The following MATN4 variants were observed in gnomAD, a reference collection of about 807,000 sequenced individuals.
The protein encoded by MATN4 is matrilin 4.
In MATN4, 40 loss-of-function variants were observed where a neutral mutation model predicts 54.6. The ratio of observed to expected loss-of-function variants is 0.73; its 90% confidence interval spans 0.57 to 0.95. The LOEUF (loss-of-function observed/expected upper bound fraction) is 0.95. Among genes scored for constraint, MATN4 ranks in the 40% least tolerant of loss-of-function variants. The pLI, the probability that MATN4 is intolerant of heterozygous loss-of-function variation, is 0.00. For synonymous variants in MATN4, 351 were observed against 345.3 expected (o/e 1.02, Z -0.18); for missense variants, 810 against 819.1 (o/e 0.99, Z 0.13).
intron 8 of MATN4, among the ~76,000 whole-genome samples, chr20:45,297,459 A>C: frequency 6.6e-6 from 1 of 152,076 alleles, no homozygotes; most frequent in Non-Finnish European, 1.5e-5. Flanking sequence ...AAGTCTTTGC[A>C]TACTTAAAAT....
chr20:45,303,082 CAAAAAAAAA>C (rs79635257), intron 3 of MATN4, among the ~76,000 whole-genome samples: 1 of 82,928 alleles, frequency 1.2e-5, no homozygotes, highest in Admixed American at 1.4e-4. Context: ...GACTCTGTCT[CAAAAAAAAA>C]AAAAAAAAAA....
chr20:45,300,742 T>C, intron 6 of MATN4, 145 bp downstream of exon 6: 1 of 916,140 alleles, frequency 1.1e-6, no homozygotes, highest in Non-Finnish European at 1.6e-6. Context: ...AAGGAGGGAA[T>C]GGCACACCCT....
chr20:45,300,926 C>CGGGGCACAGGCAGCGGTAGGA lies in MATN4; in HGVS notation c.952_972dup (p.Ser318_Pro324dup), dbSNP rs1986182498. Reference sequence around the variant, plus strand: ...CCATCTGCCTGAAGTTGCCGCCCCTCGGGGCACAGGCAGCGGTAGGAGAGG... The same window carrying CGGGGCACAGGCAGCGGTAGGA: ...CCATCTGCCTGAAGTTGCCGCCCCTCGGGGCACAGGCAGCGGTAGGAGGGGCACAGGCAGCGGTAGGAGAGG... On this transcript the variant is annotated inframe_insertion, in exon 6 of 10. Transcript: ENST00000372756. The CGGGGCACAGGCAGCGGTAGGA allele has an allele frequency of 5.6e-6, 9 of 1,613,622 alleles. No homozygotes were observed. Among genetic ancestry groups the CGGGGCACAGGCAGCGGTAGGA allele is most frequent in the Non-Finnish European group, 6.8e-6 (8 of 1,180,044 alleles).
intron 6 of MATN4, among the ~76,000 whole-genome samples, 158 bp downstream of exon 6, chr20:45,300,729 T>C (rs949175554): frequency 6.6e-6 from 1 of 152,046 alleles, no homozygotes; most frequent in Non-Finnish European, 1.5e-5. Context: ...AGGAAAGAGA[T>C]GGAAGGAGGG....
rs1341647084 is a variant in MATN4, at chr20:45,301,000, AG to A, written c.898del (p.Leu300PhefsTer14). 1.2e-6 allele frequency: 2 copies of A among 1,613,948 alleles called. No individual in the cohort carries two copies. The highest frequency in any genetic ancestry group is 1.7e-6 in the Non-Finnish European group (2 of 1,179,980). On this transcript the variant is annotated frameshift_variant, in exon 6 of 10. Coordinates refer to ENST00000372756, the MANE Select transcript of MATN4 (RefSeq NM_001393530.1). LOFTEE classifies it high-confidence loss of function. Reference sequence around the variant, plus strand: ...ACAGCCATGGTCCACGCCATTGCAAAGGTCCCGGACTGAAAGGAGAGACAGG... The same window carrying A: ...ACAGCCATGGTCCACGCCATTGCAAAGTCCCGGACTGAAAGGAGAGACAGG... ...PDGRSCQVRD[L>X]CNGVDHGCEF...
intron 8 of MATN4, among the ~76,000 whole-genome samples, chr20:45,295,609 G>A (rs776400294): frequency 3.3e-5 from 5 of 152,000 alleles, no homozygotes; most frequent in Admixed American, 6.5e-5. Context: ...GGATGGTCTC[G>A]ATCCCCTGAC....
At chr20:45,301,539 G>A in intron 3 of MATN4, 96 bp from the exon 4 acceptor site, 1 of 1,329,130 alleles carries the variant, frequency 7.5e-7, no homozygotes, top group Admixed American at 2.4e-5. Flanking sequence ...ACCTACGCCT[G>A]GGCCCCAACC....
intron 1 of MATN4, 49 bp from the exon 2 acceptor site, chr20:45,305,665 T>A: frequency 1.1e-6 from 1 of 949,424 alleles, no homozygotes; most frequent in Non-Finnish European, 1.6e-6. Context: ...ACAGAGCTCT[T>A]ATTCTGGGTG....
At chr20:45,303,496 G>A (rs1193988313) in intron 3 of MATN4, 1 of 715,036 alleles carries the variant, frequency 1.4e-6, no homozygotes, top group Non-Finnish European at 2.6e-6. Context: ...TCCCCCCTCA[G>A]CACACTGGTC....
chr20:45,308,411 G>A (rs111742158), upstream of MATN4: 264 of 600,856 alleles, frequency 4.4e-4, 3 homozygotes, highest in South Asian at 4.3e-3. Context: ...TCCTCCTGAG[G>A]GGGGGCAAAC....
upstream of MATN4, chr20:45,308,409 A>AG (rs965581647): frequency 4.5e-5 from 27 of 599,106 alleles, no homozygotes; most frequent in African/African-American, 2.4e-4. Flanking sequence ...CTTCCTCCTG[A>AG]GGGGGGGCAA....
rs755157644 is a variant in MATN4, at chr20:45,298,423, GCTCGAGAA to G, written c.1165_1172del (p.Phe389ProfsTer57). 1.2e-6 allele frequency: 2 copies of G among 1,613,256 alleles called. No homozygotes were observed. Among genetic ancestry groups the G allele is most frequent in the Non-Finnish European group, 1.7e-6 (2 of 1,179,830 alleles). ...CCAGAGGGAACTCGGTGCGCACGCG[GCTCGAGAA>G]CTGCACCAGCCCCACCCGCGTGCCC... On this transcript the variant is annotated frameshift_variant, in exon 7 of 10. Transcript: ENST00000372756. LOFTEE classifies it high-confidence loss of function. The surrounding 1 kb of genome is among the most constrained non-coding windows in gnomAD (Gnocchi z 4.6).
chr20:45,298,738 T>TATCACCATCATCATCACC lies in MATN4; in HGVS notation c.1013-173_1013-156dup, dbSNP rs1458159929. ...AGGCAGTGTGCTAAGTAATAATAATTATCACCATCATCATCACCATCACCA... is the reference window on the plus strand; with the variant it reads ...AGGCAGTGTGCTAAGTAATAATAATTATCACCATCATCATCACCATCACCATCATCATCACCATCACCA... On this transcript the variant is annotated intron_variant, in intron 6 of 9. Coordinates refer to ENST00000372756, the MANE Select transcript of MATN4 (RefSeq NM_001393530.1). This position sits in a 1 kb window ranked among gnomAD's most constrained non-coding sequence, Gnocchi z 4.6. Among the ~76,000 whole-genome samples, 1 of 152,116 alleles carries TATCACCATCATCATCACC rather than the reference T, an allele frequency of 6.6e-6. No individual in the cohort carries two copies. The highest frequency in any genetic ancestry group is 1.5e-5 in the Non-Finnish European group (1 of 68,028).
At chr20:45,301,071 C>A in intron 5 of MATN4, 31 bp downstream of exon 5, 1 of 1,614,028 alleles carries the variant, frequency 6.2e-7, no homozygotes, top group Non-Finnish European at 8.5e-7. Context: ...ATCTCTTACC[C>A]CTCCCACAAA....
intron 8 of MATN4, among the ~76,000 whole-genome samples, chr20:45,296,297 A>G (rs990941275): frequency 1.3e-5 from 2 of 151,946 alleles, no homozygotes; most frequent in African/African-American, 4.8e-5. Context: ...ACCTTAGGAA[A>G]AAAAAGAAAA....
At chr20:45,305,734 G>T in intron 1 of MATN4, 118 bp from the exon 2 acceptor site, 2 of 385,084 alleles carry the variant, frequency 5.2e-6, no homozygotes, top group South Asian at 4.6e-5. Flanking sequence ...CTCTATTTTT[G>T]TGTATGTTTG....
chr20:45,299,843 A>C (rs1274071752), intron 6 of MATN4, among the ~76,000 whole-genome samples: 1 of 138,624 alleles, frequency 7.2e-6, no homozygotes, highest in Non-Finnish European at 1.5e-5. Flanking sequence ...GCGCCACTGC[A>C]CTCCAGCCCG....
chr20:45,304,134 C>A (rs1986412277), intron 3 of MATN4, 94 bp downstream of exon 3: 11 of 1,152,498 alleles, frequency 9.5e-6, no homozygotes, highest in Non-Finnish European at 1.3e-5. Flanking sequence ...AATCGCGGGG[C>A]CACCCCCACG....
chr20:45,308,135 C>G (rs376807232), intron 1 of MATN4, 40 bp downstream of exon 1: 7 of 1,603,884 alleles, frequency 4.4e-6, no homozygotes, highest in Non-Finnish European at 6.0e-6. Flanking sequence ...ATGCCTACTC[C>G]CCTGCAGACC....
Sources: allele counts gnomAD v4.1 joint callset (sites outside exome capture counted in the v4.1 genomes callset), GRCh38; gene constraint gnomAD v4.1.1; non-coding constraint Gnocchi (gnomAD v3.1); transcripts MANE v1.5; gene names NCBI Gene and HGNC (gene_info 2026-07-23, HGNC 2026-07-21).